Variants in RPF2 observed in about 807,000 individuals in gnomAD.
RPF2 encodes ribosome production factor 2 homolog.
In RPF2, 21 loss-of-function variants were observed where a neutral mutation model predicts 38.9. The ratio of observed to expected loss-of-function variants is 0.54; its 90% CI spans 0.38 to 0.78. The LOEUF is 0.78. Among genes scored for constraint, RPF2 ranks in the 30% least tolerant of loss-of-function variants. The pLI, the probability that RPF2 is intolerant of heterozygous loss-of-function variation, is 0.00. For missense variants in RPF2, 314 were observed against 358.1 expected (o/e 0.88, Z 0.99); for synonymous variants, 121 against 126.2 (o/e 0.96, Z 0.28).
intron 8 of RPF2, among the ~76,000 whole-genome samples, chr6:111,022,857 A>G (rs1772258132): frequency 6.6e-6 from 1 of 152,200 alleles, no homozygotes; most frequent in African/African-American, 2.4e-5. Context: ...GTGGAAGAAA[A>G]AATTTTAGTT....
At chr6:110,997,122 T>G (rs1771727439) in intron 4 of RPF2, 61 bp from the exon 5 acceptor site, 10 of 1,096,710 alleles carry the variant, frequency 9.1e-6, no homozygotes, top group Non-Finnish European at 1.2e-5. Flanking sequence ...TTTTTAAAGG[T>G]AAGATTCTTA....
At chr6:110,996,234 A>G (rs1771709194) in intron 4 of RPF2, among the ~76,000 whole-genome samples, 1 of 151,768 alleles carries the variant, frequency 6.6e-6, no homozygotes, top group Non-Finnish European at 1.5e-5. Context: ...GCTGGAGTGC[A>G]ATGGTGTGAT....
intron 7 of RPF2, 88 bp from the exon 8 acceptor site, chr6:111,015,666 G>T: frequency 1.1e-6 from 1 of 898,590 alleles, no homozygotes; most frequent in South Asian, 1.4e-5. Flanking sequence ...ATAAGTATTG[G>T]AGCAAAACTG....
chr6:111,001,728 A>C (rs1290893702), intron 6 of RPF2, among the ~76,000 whole-genome samples: 1 of 152,188 alleles, frequency 6.6e-6, no homozygotes, highest in Non-Finnish European at 1.5e-5. Context: ...TTTCACCTTT[A>C]CCACTGCCAC....
intron 3 of RPF2, among the ~76,000 whole-genome samples, chr6:110,990,184 C>G (rs1014526424): frequency 2.6e-5 from 4 of 151,958 alleles, no homozygotes; most frequent in African/African-American, 9.7e-5. Context: ...GTGACCTGCC[C>G]ACCTCGGCCT....
intron 3 of RPF2, among the ~76,000 whole-genome samples, chr6:110,990,063 C>T (rs1280027276): frequency 2.6e-5 from 4 of 152,014 alleles, no homozygotes; most frequent in East Asian, 1.9e-4. Flanking sequence ...CTCAACCTCC[C>T]GAGTAACTGG....
rs1240768119 is a variant in RPF2, at chr6:111,025,437, T to C, written c.776T>C (p.Phe259Ser). ...KKKKNISHDT[F>S]GTTYGRIHMQ... ...AAGAAAAATATTTCCCATGATACTTTTGGTACAACTTATGGAAGGATTCAT... is the reference window on the plus strand; with the variant it reads ...AAGAAAAATATTTCCCATGATACTTCTGGTACAACTTATGGAAGGATTCAT... Residue 259 changes from phenylalanine (F) to serine (S), a missense_variant, in exon 10 of 10, where the codon TTT (phenylalanine) becomes TCT (serine). Transcript: ENST00000441448. 1.2e-6 allele frequency: 2 copies of C among 1,608,270 alleles called. No homozygotes were observed. Among genetic ancestry groups the C allele is most frequent in the East Asian group, 2.2e-5 (1 of 44,846 alleles).
Position 111,025,553 on chromosome 6 carries a change from A to G in RPF2, c.892A>G (p.Lys298Glu), listed in dbSNP as rs773007321. ...AGAAAGGATAACAGAAGACCACGAG[A>G]AAAAGTCAAAAAGAATTAAAAAAAA... is the stretch of plus-strand genomic sequence containing the variant. The part of the protein sequence containing the change: ...PAERITEDHE[K>E]KSKRIKKN The change falls in exon 10 of 10, where the codon AAA (lysine) becomes GAA (glutamate). Residue 298 changes from lysine to glutamate, a missense_variant. By Grantham distance (56) the Lys-to-Glu change is moderately conservative (BLOSUM62 1). Coordinates refer to ENST00000441448, the MANE Select transcript of RPF2 (RefSeq NM_032194.3). The G allele has an allele frequency of 5.6e-6, 9 of 1,606,856 alleles. No homozygotes were observed. Among genetic ancestry groups the G allele is most frequent in the Non-Finnish European group, 7.6e-6 (9 of 1,178,356 alleles).
chr6:110,982,986 C>G (rs928577106), intron 1 of RPF2, among the ~76,000 whole-genome samples: 1 of 152,204 alleles, frequency 6.6e-6, no homozygotes, highest in Non-Finnish European at 1.5e-5. Flanking sequence ...GTATCTTTAT[C>G]AACCAGTAAA....
At position 111,025,883 on chromosome 6, in the gene RPF2, G is replaced by C. The variant is rs1772319419; in HGVS notation, c.*301G>C. 1 of 181,300 alleles carries C rather than the reference G, an allele frequency of 5.5e-6. No individual in the cohort carries two copies. Among genetic ancestry groups the C allele is most frequent in the Admixed American group, 6.0e-5 (1 of 16,580 alleles). 11.2% of individuals were successfully genotyped at this position (181,300 alleles called of 1,614,324 possible). On this transcript the variant is annotated 3_prime_UTR_variant, in exon 10 of 10. Transcript: ENST00000441448. ...TCTCCATAACCATTGGGATTTTTTTGAATTTCTGGCCTTAGCTAAAGAAAG... is the reference window on the plus strand; with the variant it reads ...TCTCCATAACCATTGGGATTTTTTTCAATTTCTGGCCTTAGCTAAAGAAAG...
At position 110,985,150 on chromosome 6, in the gene RPF2, T is replaced by A. The variant is rs75757945; in HGVS notation, c.156+12T>A. On this transcript the variant is annotated intron_variant, in intron 2 of 9. Coordinates refer to ENST00000441448, the MANE Select transcript of RPF2 (RefSeq NM_032194.3). ...TACTTAAAGATGTGGTAAGTATATA[T>A]ACTTAATCTTTAAAAGGTATTGAAG... 4.7e-3 allele frequency: 7,501 copies of A among 1,597,688 alleles called. 107 individuals carry two copies. Among genetic ancestry groups the A allele is most frequent in the South Asian group, 0.026 (2,340 of 88,348 alleles).
Position 110,982,062 on chromosome 6 carries a change from G to C in RPF2, c.-45G>C. On this transcript the variant is annotated 5_prime_UTR_variant, in exon 1 of 10. Transcript: ENST00000441448. ...TGTTCCGGCGCACGTAATCGCCGAG[G>C]GCACGTGCATGCCCCCTGGTTAAGA... is the stretch of plus-strand genomic sequence containing the variant. 1 of 1,612,510 alleles carries C rather than the reference G, an allele frequency of 6.2e-7. No individual in the cohort carries two copies. Among genetic ancestry groups the C allele is most frequent in the Non-Finnish European group, 8.5e-7 (1 of 1,178,580 alleles).
In RPF2 at chr6:111,023,024, G is replaced by A. The variant is rs775513055; in HGVS notation, c.597-1159G>A. The stretch of plus-strand genomic sequence containing the variant: ...AGCGATTCTCCTGCCTCAGCCTCCC[G>A]AGTAGCTGGGACTACAGGCATGTGC... On this transcript the variant is annotated intron_variant, in intron 8 of 9. Transcript: ENST00000441448. Among the ~76,000 whole-genome samples, 6 of 152,092 alleles carry A rather than the reference G, an allele frequency of 3.9e-5. No individual in the cohort carries two copies. In the South Asian group the frequency reaches 6.2e-4, roughly 16 times the overall value.
At chr6:111,024,993 G>A (rs1270107952) in intron 9 of RPF2, among the ~76,000 whole-genome samples, 2 of 152,182 alleles carry the variant, frequency 1.3e-5, no homozygotes, top group African/African-American at 2.4e-5. Flanking sequence ...GACTTTTTAA[G>A]TAGTTTTAAA....
chr6:110,997,185 A>G lies in RPF2; in HGVS notation c.237A>G (p.Glu79=), dbSNP rs1303321685. Residue 79 remains glutamate, a splice_region_variant and synonymous_variant, in exon 5 of 10, where the codon GAA becomes GAG. Coordinates refer to ENST00000441448, the MANE Select transcript of RPF2 (RefSeq NM_032194.3). ...TRPFEDQTSL[E]FFSKKSDCSL... is the part of the protein sequence containing the mutation. ...ATGGGATTTATTTGGTTTTATAGGA[A>G]TTCTTTTCAAAGAAGTCAGATTGTT... 6.3e-7 allele frequency: 1 copy of G among 1,579,544 alleles called. No homozygotes were observed. Among genetic ancestry groups the G allele is most frequent in the Admixed American group, 1.7e-5 (1 of 59,448 alleles).
chr6:111,022,325 A>C (rs1034504012), intron 8 of RPF2, among the ~76,000 whole-genome samples: 3 of 152,368 alleles, frequency 2.0e-5, no homozygotes, highest in African/African-American at 7.2e-5. Flanking sequence ...ATAGACAAAT[A>C]ATATTTAAAA....
chr6:111,018,866 A>G (rs1308411671), intron 8 of RPF2, among the ~76,000 whole-genome samples: 1 of 152,222 alleles, frequency 6.6e-6, no homozygotes, highest in East Asian at 1.9e-4. Flanking sequence ...TATACTATAC[A>G]GTAGATGACT....
At chr6:110,990,568 C>T (rs955761486) in intron 3 of RPF2, among the ~76,000 whole-genome samples, 2 of 134,428 alleles carry the variant, frequency 1.5e-5, no homozygotes, top group East Asian at 2.2e-4. Flanking sequence ...AACCCCCCCC[C>T]CCCCCACCTT....
chr6:111,017,429 G>T (rs1263990121), intron 8 of RPF2, among the ~76,000 whole-genome samples: 2 of 149,908 alleles, frequency 1.3e-5, no homozygotes, highest in Non-Finnish European at 3.0e-5. Context: ...GGCGGCTGCC[G>T]GATGGGGGGG....
Sources: allele counts gnomAD v4.1 joint callset (sites outside exome capture counted in the v4.1 genomes callset), GRCh38; gene constraint gnomAD v4.1.1; transcripts MANE v1.5; gene names NCBI Gene and HGNC (gene_info 2026-07-23, HGNC 2026-07-21).